Variants in C10orf90 observed in about 807,000 individuals in gnomAD.
C10orf90 encodes the protein (E2-independent) E3 ubiquitin-conjugating enzyme FATS.
Under a neutral mutation model 62.5 loss-of-function variants are expected in C10orf90, and 56 were observed. The observed-to-expected ratio is 0.90, with a 90% confidence interval of 0.72 to 1.12. The LOEUF is 1.12. Ranked by LOEUF, C10orf90 falls within the 50% of genes most tolerant of loss-of-function variation. The pLI, the probability that C10orf90 is intolerant of heterozygous loss-of-function variation, is 0.00. For synonymous variants in C10orf90, 386 were observed against 340.4 expected, an observed-to-expected ratio of 1.13 and a Z score of -1.47; for missense variants, 970 against 880.4, an observed-to-expected ratio of 1.10 and a Z score of -1.29.
At chr10:126,583,329 A>C (rs1196756813) in intron 2 of C10orf90, among the ~76,000 whole-genome samples, 1 of 152,228 alleles carries the variant, frequency 6.6e-6, no homozygotes, top group East Asian at 1.9e-4. Context: ...GGAAGAAAAA[A>C]ATGGTTACAA....
At chr10:126,658,826 C>G (rs909362566) in intron 1 of C10orf90, among the ~76,000 whole-genome samples, 1 of 152,168 alleles carries the variant, frequency 6.6e-6, no homozygotes, top group Non-Finnish European at 1.5e-5. Flanking sequence ...TGAATGGGCT[C>G]AAATGATCCT....
intron 2 of C10orf90, among the ~76,000 whole-genome samples, chr10:126,571,926 C>T (rs1342000960): frequency 1.3e-5 from 2 of 152,180 alleles, no homozygotes; most frequent in Non-Finnish European, 2.9e-5. Context: ...GAATCCCTGT[C>T]CTCTCAGAGG....
Position 126,524,834 on chromosome 10 carries a change from T to A in C10orf90, c.314-10895A>T, listed in dbSNP as rs1211712836. 3 of 985,350 alleles carry A rather than the reference T, an allele frequency of 3.0e-6. No individual in the cohort carries two copies. In the African/African-American group the frequency reaches 5.2e-5, roughly 17 times the overall value. 61.0% of individuals were successfully genotyped at this position (985,350 alleles called of 1,614,324 possible). On this transcript the variant is annotated intron_variant, in intron 2 of 9. Transcript: ENST00000488181. The stretch of plus-strand genomic sequence containing the variant: ...GGGCATGTGTGAGAGGGAGGCAGTC[T>A]CCACTTTAGCTTGCTTCTCCCATTA...
chr10:126,609,342 G>A (rs537990625), intron 2 of C10orf90, among the ~76,000 whole-genome samples: 2 of 152,218 alleles, frequency 1.3e-5, no homozygotes, highest in Non-Finnish European at 2.9e-5. Context: ...GGCAGAGGTT[G>A]CAGTGAGCCG....
chr10:126,660,578 C>T (rs1470259071), intron 1 of C10orf90, among the ~76,000 whole-genome samples: 2 of 152,144 alleles, frequency 1.3e-5, no homozygotes, highest in African/African-American at 2.4e-5. Context: ...GAAGAGGATC[C>T]CAAAGCCTCA....
intron 1 of C10orf90, among the ~76,000 whole-genome samples, chr10:126,658,382 C>G (rs1353094009): frequency 6.6e-6 from 1 of 152,196 alleles, no homozygotes; most frequent in Non-Finnish European, 1.5e-5. Context: ...GGCCAAAGGG[C>G]AGAGAATATT....
chr10:126,637,599 G>T lies in C10orf90; in HGVS notation c.313+8966C>A, dbSNP rs576718443. Among the ~76,000 whole-genome samples the T allele has an allele frequency of 1.2e-3, 180 of 152,350 alleles. 5 individuals carry two copies. The South Asian group carries it at 0.033, about 28-fold the overall frequency. On this transcript the variant is annotated intron_variant, in intron 2 of 9. Transcript: ENST00000488181. ...ACCGATTGGTCATGACATCGGGCTG[G>T]CTTCCAGAGGACATGCAGGTAAGGG... is the stretch of plus-strand genomic sequence containing the variant.
Position 126,436,197 on chromosome 10 carries a change from C to G in C10orf90, c.2189-6347G>C, listed in dbSNP as rs567338171. On this transcript the variant is annotated intron_variant, in intron 7 of 9. Coordinates refer to ENST00000488181, the MANE Select transcript of C10orf90 (RefSeq NM_001350921.2). ...ACTCTTACCCAAGACCAGAAACTTA[C>G]AATATGAATCCCAGCGGAGGACTCC... 2.0e-5 allele frequency among the ~76,000 whole-genome samples: 3 copies of G among 152,300 alleles called. No individual in the cohort carries two copies. In the East Asian group the frequency reaches 5.8e-4, roughly 29 times the overall value.
In C10orf90 at chr10:126,634,540, A is replaced by G. The variant is rs140668013; in HGVS notation, c.313+12025T>C. On this transcript the variant is annotated intron_variant, in intron 2 of 9. Coordinates refer to ENST00000488181, the MANE Select transcript of C10orf90 (RefSeq NM_001350921.2). ...TATGAGTCAGCTCTAGAGATCCACT[A>G]TACAACATTGCACCTAGAGTCAACA... Among the ~76,000 whole-genome samples, 17 of 152,334 alleles carry G rather than the reference A, an allele frequency of 1.1e-4. 1 individual carries two copies. The highest frequency in any genetic ancestry group is 4.1e-4 in the African/African-American group (17 of 41,592).
chr10:126,512,701 A>G (rs1863202195), intron 3 of C10orf90, among the ~76,000 whole-genome samples: 1 of 152,064 alleles, frequency 6.6e-6, no homozygotes, highest in South Asian at 2.1e-4. Flanking sequence ...TGCTCTTTGC[A>G]TTCATTTTCC....
chr10:126,664,908 A>C (rs1394853558), intron 1 of C10orf90, among the ~76,000 whole-genome samples: 3 of 152,216 alleles, frequency 2.0e-5, no homozygotes, highest in Non-Finnish European at 4.4e-5. Context: ...GGGCTGGAAG[A>C]ATATGGCGAC....
intron 2 of C10orf90, among the ~76,000 whole-genome samples, chr10:126,583,949 C>G (rs1156469291): frequency 6.6e-6 from 1 of 151,996 alleles, no homozygotes; most frequent in Non-Finnish European, 1.5e-5. Flanking sequence ...GACCTCATCT[C>G]TACTTAAAAA....
chr10:126,468,142 C>T (rs1317956338), intron 4 of C10orf90, among the ~76,000 whole-genome samples: 1 of 150,824 alleles, frequency 6.6e-6, no homozygotes, highest in Non-Finnish European at 1.5e-5. Flanking sequence ...TATCTTGGCT[C>T]ACTGCAACCT....
rs748188690 is a variant in C10orf90, at chr10:126,459,140, C to T, written c.2088G>A (p.Gln696=). 6.2e-7 allele frequency: 1 copy of T among 1,614,218 alleles called. No individual in the cohort carries two copies. Among genetic ancestry groups the T allele is most frequent in the Admixed American group, 1.7e-5 (1 of 60,028 alleles). ...ERLKKLEHMV[Q]QRKAQRKEDL... is the part of the protein sequence containing the mutation. ...CCTCCTTCCGCTGGGCTTTCCTCTG[C>T]TGGACCATGTGTTCAAGCTTCTTCA... is the stretch of plus-strand genomic sequence containing the variant. The change falls in exon 7 of 10, where the codon CAG becomes CAA. Residue 696 remains glutamine (Q), a synonymous_variant. Coordinates refer to ENST00000488181, the MANE Select transcript of C10orf90 (RefSeq NM_001350921.2).
chr10:126,528,679 C>T (rs1481139756), intron 2 of C10orf90, among the ~76,000 whole-genome samples: 2 of 152,322 alleles, frequency 1.3e-5, no homozygotes, highest in Middle Eastern at 6.8e-3. Context: ...TTGGTTTCCT[C>T]ATCTGCGAAA....
intron 2 of C10orf90, among the ~76,000 whole-genome samples, chr10:126,527,091 C>T (rs1423667106): frequency 3.5e-5 from 3 of 85,630 alleles, no homozygotes; most frequent in African/African-American, 1.5e-4. Context: ...GTGGAATTGC[C>T]GTGTCGTATG....
At chr10:126,565,441 C>T (rs1210851927) in intron 2 of C10orf90, among the ~76,000 whole-genome samples, 32,586 of 87,296 alleles carry the variant, frequency 0.37, 6,821 homozygotes, top group Non-Finnish European at 0.44. Context: ...ATATTATACA[C>T]ACACACACAC....
chr10:126,543,805 G>T (rs1864429415), intron 2 of C10orf90, among the ~76,000 whole-genome samples: 2 of 152,318 alleles, frequency 1.3e-5, no homozygotes, highest in African/African-American at 2.4e-5. Context: ...TCAAGAAAAT[G>T]CTTTCTCAAA....
chr10:126,509,395 AG>A (rs764750537), intron 3 of C10orf90, among the ~76,000 whole-genome samples: 1 of 152,168 alleles, frequency 6.6e-6, no homozygotes, highest in Non-Finnish European at 1.5e-5. Flanking sequence ...CAACCTACAA[AG>A]GAGTAAGAGG....
Sources: allele counts gnomAD v4.1 joint callset (sites outside exome capture counted in the v4.1 genomes callset), GRCh38; gene constraint gnomAD v4.1.1; transcripts MANE v1.5; gene names NCBI Gene and HGNC (gene_info 2026-07-23, HGNC 2026-07-21).